Variants in CDK5RAP2 observed in about 807,000 individuals in gnomAD.
The protein encoded by CDK5RAP2 is CDK5 regulatory subunit associated protein 2.
CDK5RAP2 carries 147 observed loss-of-function variants against 232.9 expected under a neutral mutation model. The observed-to-expected ratio is 0.63, with a 90% confidence interval of 0.55 to 0.72. CDK5RAP2 has a LOEUF of 0.72. Among genes scored for constraint, CDK5RAP2 ranks in the 30% least tolerant of loss-of-function variants. The pLI is 0.00. For synonymous variants in CDK5RAP2, 833 were observed against 833.7 expected, an observed-to-expected ratio of 1.00 and a Z score of 0.01; for missense variants, 2,195 against 2,231.5, an observed-to-expected ratio of 0.98 and a Z score of 0.33.
At chr9:120,521,092 T>C (rs112176090) in intron 11 of CDK5RAP2, among the ~76,000 whole-genome samples, 42 of 152,278 alleles carry the variant, frequency 2.8e-4, no homozygotes, top group Non-Finnish European at 5.1e-4. Flanking sequence ...TTATCTTTCA[T>C]TCCCAATCAA....
At chr9:120,531,202 T>C (rs2041136076) in intron 7 of CDK5RAP2, among the ~76,000 whole-genome samples, 1 of 151,922 alleles carries the variant, frequency 6.6e-6, no homozygotes, top group African/African-American at 2.4e-5. Context: ...CCAGACTGTT[T>C]CATGCCTCTA....
intron 5 of CDK5RAP2, 119 bp downstream of exon 5, chr9:120,545,595 T>C: frequency 1.2e-6 from 1 of 802,744 alleles, no homozygotes; most frequent in South Asian, 1.4e-5. Context: ...AACAAAAACC[T>C]CCTTGCAGTC....
chr9:120,560,699 C>T (rs1264993302), intron 3 of CDK5RAP2, among the ~76,000 whole-genome samples: 2 of 152,176 alleles, frequency 1.3e-5, no homozygotes, highest in Admixed American at 6.5e-5. Context: ...TCACTGCAAC[C>T]TCCGCCTTCC....
intron 12 of CDK5RAP2, among the ~76,000 whole-genome samples, chr9:120,497,730 T>C (rs1003370883): frequency 6.6e-6 from 1 of 152,106 alleles, no homozygotes; most frequent in Admixed American, 6.5e-5. Flanking sequence ...AATCTAATCA[T>C]GAGAGTGTTG....
rs745595866 is a variant in CDK5RAP2, at chr9:120,431,054, T to C, written c.3955+6241A>G. On this transcript the variant is annotated intron_variant, in intron 25 of 37. Coordinates refer to ENST00000349780, the MANE Select transcript of CDK5RAP2 (RefSeq NM_018249.6). ...GCATGTTCTCACTCATAGATGGGAA[T>C]TGAACAATGAGAACACGTGGACACA... Among the ~76,000 whole-genome samples the C allele has an allele frequency of 5.3e-5, 8 of 152,140 alleles. No homozygotes were observed. In the South Asian group the frequency reaches 8.3e-4, roughly 16 times the overall value.
intron 1 of CDK5RAP2, among the ~76,000 whole-genome samples, chr9:120,574,054 A>G (rs1349119665): frequency 1.3e-5 from 2 of 152,332 alleles, no homozygotes; most frequent in South Asian, 2.1e-4. Flanking sequence ...GCCAAGATCA[A>G]TCACAGCTGA....
At chr9:120,449,864 C>T (rs999013601) in intron 21 of CDK5RAP2, among the ~76,000 whole-genome samples, 5 of 152,174 alleles carry the variant, frequency 3.3e-5, no homozygotes, top group African/African-American at 1.2e-4. Flanking sequence ...CAAAGGACAA[C>T]AACAAGTGTT....
intron 13 of CDK5RAP2, 65 bp downstream of exon 13, chr9:120,491,242 G>C: frequency 8.4e-7 from 1 of 1,183,576 alleles, no homozygotes; most frequent in Admixed American, 1.7e-5. Context: ...TTCTGCAAAA[G>C]AATTATTTTT....
At chr9:120,511,735 CTTTTT>C (rs747030569) in intron 12 of CDK5RAP2, among the ~76,000 whole-genome samples, 2 of 110,702 alleles carry the variant, frequency 1.8e-5, no homozygotes, top group Admixed American at 9.6e-5. Flanking sequence ...TCACAACATG[CTTTTT>C]TTTTTTTTTT....
At chr9:120,463,601 G>A (rs780822555) in intron 18 of CDK5RAP2, among the ~76,000 whole-genome samples, 1 of 152,146 alleles carries the variant, frequency 6.6e-6, no homozygotes, top group Non-Finnish European at 1.5e-5. Flanking sequence ...AGACTCCTGC[G>A]GATCTGAGAA....
At chr9:120,453,405 G>A (rs2036579233) in intron 21 of CDK5RAP2, 51 bp downstream of exon 21, 1 of 1,534,084 alleles carries the variant, frequency 6.5e-7, no homozygotes, top group African/African-American at 1.4e-5. Context: ...GATTTTTAAA[G>A]TTTTTTGTTT....
At chr9:120,431,352 G>A (rs1019921772) in intron 25 of CDK5RAP2, among the ~76,000 whole-genome samples, 1 of 152,200 alleles carries the variant, frequency 6.6e-6, no homozygotes, top group Non-Finnish European at 1.5e-5. Flanking sequence ...AGGGTAGACT[G>A]TGAAAGTGAA....
chr9:120,552,445 A>T (rs1392541248), intron 3 of CDK5RAP2, among the ~76,000 whole-genome samples: 1 of 152,222 alleles, frequency 6.6e-6, no homozygotes, highest in Non-Finnish European at 1.5e-5. Context: ...AACCAAGCCA[A>T]ATGTCCAACA....
At chr9:120,546,764 T>C (rs1400501716) in intron 4 of CDK5RAP2, among the ~76,000 whole-genome samples, 2 of 151,966 alleles carry the variant, frequency 1.3e-5, no homozygotes, top group Admixed American at 1.3e-4. Context: ...CTCCTGAGTA[T>C]CTGGGACTAT....
chr9:120,518,384 A>G lies in CDK5RAP2; in HGVS notation c.1311+43T>C, dbSNP rs766362069. On this transcript the variant is annotated intron_variant, in intron 12 of 37. Coordinates refer to ENST00000349780, the MANE Select transcript of CDK5RAP2 (RefSeq NM_018249.6). ...CAACCAGACACAGCCACATAGCCCC[A>G]AAAGCACTGTCCACTGTGTCAGAAG... 6.5e-6 allele frequency: 10 copies of G among 1,542,778 alleles called. No homozygotes were observed. The South Asian group carries it at 1.1e-4, about 17-fold the overall frequency.
chr9:120,448,694 A>G (rs1227327888), intron 21 of CDK5RAP2, among the ~76,000 whole-genome samples: 1 of 152,084 alleles, frequency 6.6e-6, no homozygotes, highest in Non-Finnish European at 1.5e-5. Flanking sequence ...CACTTCAACA[A>G]TCTCTGTCTT....
intron 12 of CDK5RAP2, among the ~76,000 whole-genome samples, chr9:120,518,223 G>C (rs1428565963): frequency 1.1e-4 from 16 of 144,196 alleles, no homozygotes; most frequent in South Asian, 2.1e-4. Flanking sequence ...GAGAGAGAGA[G>C]AGAGAGAGAG....
intron 34 of CDK5RAP2, among the ~76,000 whole-genome samples, 172 bp downstream of exon 34, chr9:120,402,634 A>T (rs1052378336): frequency 9.9e-5 from 15 of 152,076 alleles, no homozygotes; most frequent in African/African-American, 3.6e-4. Context: ...AAACACAGCC[A>T]CCACCAATAG....
In CDK5RAP2 at chr9:120,539,184, G is replaced by A. The variant is rs778839505; in HGVS notation, c.384-20C>T. 2.5e-6 allele frequency: 4 copies of A among 1,613,538 alleles called. No individual in the cohort carries two copies. The South Asian group carries it at 4.4e-5, about 18-fold the overall frequency. Reference sequence around the variant, plus strand: ...GCTTTGCTGCAAAAAGAGGCACAGGGGTAAAACATGCAAGGGTGATGGTCT... The same window carrying A: ...GCTTTGCTGCAAAAAGAGGCACAGGAGTAAAACATGCAAGGGTGATGGTCT... On this transcript the variant is annotated intron_variant, in intron 5 of 37. Transcript: ENST00000349780.
Sources: allele counts gnomAD v4.1 joint callset (sites outside exome capture counted in the v4.1 genomes callset), GRCh38; gene constraint gnomAD v4.1.1; transcripts MANE v1.5; gene names NCBI Gene and HGNC (gene_info 2026-07-23, HGNC 2026-07-21).